The following FHIP1A variants were observed in gnomAD, a reference collection of about 807,000 sequenced individuals.
FHIP1A encodes FHF complex subunit HOOK interacting protein 1A.
A neutral mutation model predicts 88.6 loss-of-function variants in FHIP1A; 61 were observed. The ratio of observed to expected loss-of-function variants is 0.69; its 90% CI spans 0.56 to 0.85. The LOEUF (loss-of-function observed/expected upper bound fraction) is 0.85. Ranked by LOEUF, FHIP1A falls within the 40% of genes least tolerant of loss-of-function variation. FHIP1A has a pLI of 0.00. For missense variants in FHIP1A, 1,154 were observed against 1,273.5 expected (o/e 0.91, Z 1.43); for synonymous variants, 478 against 496.0 (o/e 0.96, Z 0.48).
chr4:151,516,260 G>C (rs1025369739), intron 3 of FHIP1A, among the ~76,000 whole-genome samples: 5 of 151,988 alleles, frequency 3.3e-5, no homozygotes, highest in Non-Finnish European at 5.9e-5. Flanking sequence ...GTAGAAAGCT[G>C]AAACTGGATC....
At chr4:151,597,796 A>G (rs1242119792) in intron 7 of FHIP1A, among the ~76,000 whole-genome samples, 1 of 152,162 alleles carries the variant, frequency 6.6e-6, no homozygotes, top group Non-Finnish European at 1.5e-5. Flanking sequence ...GGCTCTGTCC[A>G]GTTCGAACTT....
At position 151,476,016 on chromosome 4, in the gene FHIP1A, C is replaced by T. The variant is rs1054844421; in HGVS notation, c.-247-6508C>T. Among the ~76,000 whole-genome samples the T allele has an allele frequency of 3.9e-4, 59 of 151,978 alleles. 2 individuals carry two copies. Among genetic ancestry groups the T allele is most frequent in the Admixed American group, 3.8e-3 (58 of 15,266 alleles). Reference sequence around the variant, plus strand: ...AGCCGGGACTACAGGTGCCCACCATCGCACCTGGCTAATTTTTGTATTTTT... The same window carrying T: ...AGCCGGGACTACAGGTGCCCACCATTGCACCTGGCTAATTTTTGTATTTTT... On this transcript the variant is annotated intron_variant, in intron 2 of 13. Transcript: ENST00000435205.
In FHIP1A at chr4:151,433,556, T is replaced by C. The variant is rs181646009; in HGVS notation, c.-355-21145T>C. On this transcript the variant is annotated intron_variant, in intron 1 of 13. Transcript: ENST00000435205. ...ATGGCGCTGGTGAGACATTGAAGTA[T>C]GAGTATCAGATAAATAAATGAAAAT... 1.4e-3 allele frequency among the ~76,000 whole-genome samples: 219 copies of C among 152,062 alleles called. 1 individual carries two copies. Among genetic ancestry groups the C allele is most frequent in the African/African-American group, 4.7e-3 (196 of 41,492 alleles).
intron 7 of FHIP1A, among the ~76,000 whole-genome samples, chr4:151,595,844 C>A (rs1560789846): frequency 1.3e-5 from 2 of 152,148 alleles, no homozygotes; most frequent in Admixed American, 6.5e-5. Context: ...ACTAGGATTG[C>A]AACACTGCTT....
chr4:151,500,832 G>A (rs1730624768), intron 3 of FHIP1A, among the ~76,000 whole-genome samples: 1 of 152,152 alleles, frequency 6.6e-6, no homozygotes, highest in Non-Finnish European at 1.5e-5. Flanking sequence ...ACATGAAATT[G>A]TTGGAGGTGT....
intron 3 of FHIP1A, among the ~76,000 whole-genome samples, chr4:151,498,878 C>T (rs1454965282): frequency 6.6e-6 from 1 of 152,190 alleles, no homozygotes; most frequent in African/African-American, 2.4e-5. Context: ...TCATCATCAA[C>T]CTCCCTTCCT....
At chr4:151,590,982 A>G (rs1734401659) in intron 7 of FHIP1A, among the ~76,000 whole-genome samples, 1 of 152,174 alleles carries the variant, frequency 6.6e-6, no homozygotes, top group Non-Finnish European at 1.5e-5. Context: ...ACTTGTATCC[A>G]TTGCAGACAA....
intron 3 of FHIP1A, among the ~76,000 whole-genome samples, chr4:151,518,269 C>T (rs1208097266): frequency 2.0e-5 from 3 of 152,152 alleles, no homozygotes; most frequent in Middle Eastern, 6.3e-3. Flanking sequence ...ATATTCATTA[C>T]TACCATGCTG....
At chr4:151,612,224 C>G (rs575151426) in intron 7 of FHIP1A, among the ~76,000 whole-genome samples, 76 of 152,072 alleles carry the variant, frequency 5.0e-4, no homozygotes, top group Non-Finnish European at 9.0e-4. Flanking sequence ...CCTTTCATGG[C>G]CTAGGTTTAA....
intron 7 of FHIP1A, among the ~76,000 whole-genome samples, chr4:151,621,306 C>T (rs1000829111): frequency 1.3e-4 from 19 of 151,906 alleles, no homozygotes; most frequent in African/African-American, 3.4e-4. Context: ...CAGAGAGAAA[C>T]GAACAGAATA....
At chr4:151,586,932 A>T in intron 6 of FHIP1A, 133 bp downstream of exon 6, 2 of 661,700 alleles carry the variant, frequency 3.0e-6, no homozygotes, top group Non-Finnish European at 4.6e-6. Context: ...CTTTAAGCCA[A>T]TTGAATGTCC....
chr4:151,513,357 TG>T (rs1731107081), intron 3 of FHIP1A, among the ~76,000 whole-genome samples: 1 of 152,138 alleles, frequency 6.6e-6, no homozygotes, highest in Non-Finnish European at 1.5e-5. Flanking sequence ...CATGCCAAAT[TG>T]TAAAGACCAT....
intron 11 of FHIP1A, among the ~76,000 whole-genome samples, chr4:151,654,406 G>T (rs1418437515): frequency 6.6e-6 from 1 of 152,140 alleles, no homozygotes; most frequent in Non-Finnish European, 1.5e-5. Flanking sequence ...AGAGTTTGTA[G>T]GCCAAGCACA....
At chr4:151,522,622 C>A (rs530643394) in intron 3 of FHIP1A, among the ~76,000 whole-genome samples, 60 of 152,314 alleles carry the variant, frequency 3.9e-4, no homozygotes, top group Non-Finnish European at 1.5e-5. Flanking sequence ...AGAAGTGGAA[C>A]AGAAGAAAAA....
At position 151,477,696 on chromosome 4, in the gene FHIP1A, G is replaced by T. The variant is rs577023215; in HGVS notation, c.-247-4828G>T. ...GGACTAAGGCTACAAATAGTCTAAA[G>T]GAAGGGAAATAACAGTGGCTTTTAA... is the stretch of plus-strand genomic sequence containing the variant. On this transcript the variant is annotated intron_variant, in intron 2 of 13. Coordinates refer to ENST00000435205, the MANE Select transcript of FHIP1A (RefSeq NM_001109977.3). Among the ~76,000 whole-genome samples the T allele has an allele frequency of 3.9e-5, 6 of 152,176 alleles. No individual in the cohort carries two copies. The South Asian group carries it at 1.0e-3, about 26-fold the overall frequency.
intron 3 of FHIP1A, among the ~76,000 whole-genome samples, chr4:151,558,228 A>G (rs536427066): frequency 6.6e-6 from 1 of 152,296 alleles, no homozygotes; most frequent in Non-Finnish European, 1.5e-5. Context: ...ATCTCATAAG[A>G]AAAGCCAATT....
At chr4:151,642,290 ATTCTTTTT>A (rs1302241875) in intron 9 of FHIP1A, among the ~76,000 whole-genome samples, 2 of 152,262 alleles carry the variant, frequency 1.3e-5, no homozygotes, top group Admixed American at 1.3e-4. Flanking sequence ...ATTTCTGAAT[ATTCTTTTT>A]AGAGAGTTTT....
At chr4:151,615,260 T>TTGCCTTGATGTCTTCTTCCCCAAATAG (rs58527014) in intron 7 of FHIP1A, among the ~76,000 whole-genome samples, 2 of 151,854 alleles carry the variant, frequency 1.3e-5, no homozygotes, top group African/African-American at 4.8e-5. Context: ...GTTAGAATTC[T>TTGCCTTGATGTCTTCTTCCCCAAATAG]TGTAAAAACC....
intron 8 of FHIP1A, among the ~76,000 whole-genome samples, chr4:151,638,350 T>TGA (rs1209841696): frequency 3.3e-4 from 50 of 150,170 alleles, no homozygotes; most frequent in Non-Finnish European, 2.1e-4. Context: ...TGTGTGTATG[T>TGA]GAGAGAGAGA....
Sources: allele counts gnomAD v4.1 joint callset (sites outside exome capture counted in the v4.1 genomes callset), GRCh38; gene constraint gnomAD v4.1.1; transcripts MANE v1.5; gene names NCBI Gene and HGNC (gene_info 2026-07-23, HGNC 2026-07-21).